Variants in PPP1R1B observed in about 807,000 individuals in gnomAD.
PPP1R1B encodes the protein protein phosphatase 1 regulatory subunit 1B.
In PPP1R1B, 13 loss-of-function variants were observed where a neutral mutation model predicts 28.2. The ratio of observed to expected loss-of-function variants is 0.46; its 90% CI spans 0.30 to 0.73. The LOEUF (loss-of-function observed/expected upper bound fraction) is 0.73, where lower values mean the gene tolerates loss of function less well. PPP1R1B is among the 30% of genes least tolerant of loss of function. PPP1R1B has a pLI of 0.07. For synonymous variants in PPP1R1B, 102 were observed against 97.5 expected (o/e 1.05, Z -0.27); for missense variants, 236 against 256.7 (o/e 0.92, Z 0.55).
chr17:39,629,189 C>T lies in PPP1R1B; in HGVS notation c.101C>T (p.Thr34Met), dbSNP rs1346245001. 6 of 1,613,670 alleles carry T rather than the reference C, an allele frequency of 3.7e-6. No individual in the cohort carries two copies. Among genetic ancestry groups the T allele is most frequent in the South Asian group, 1.1e-5 (1 of 91,070 alleles). The part of the protein sequence containing the change: ...QVEMIRRRRP[T>M]PAMLFRLSEH... The stretch of plus-strand genomic sequence containing the variant: ...CCTTAGATCCGGCGCAGGAGACCAA[C>T]GCCTGCCATGCTGTTCCGGCTCTCA... The change falls in exon 2 of 7, where the codon ACG becomes ATG. Residue 34 changes from threonine (T) to methionine (M), a missense_variant. Thr to Met is a moderately conservative substitution (Grantham distance 81). Transcript: ENST00000254079.
chr17:39,629,515 G>T (rs777460784), intron 2 of PPP1R1B, 25 bp from the exon 3 acceptor site: 28 of 1,613,488 alleles, frequency 1.7e-5, no homozygotes, highest in Non-Finnish European at 2.2e-5. Flanking sequence ...GTTCTGGTTC[G>T]GTTGGCTTTG....
chr17:39,627,403 A>C lies in PPP1R1B; in HGVS notation c.11A>C (p.Lys4Thr). The part of the protein sequence containing the change: MDP[K>T]DRKKIQFSVP... Reference sequence around the variant, plus strand: ...CCCACCCCGCGCGCCATGGACCCCAAGGACCGCAAGAAGATCCAGTTCTCG... The same window carrying C: ...CCCACCCCGCGCGCCATGGACCCCACGGACCGCAAGAAGATCCAGTTCTCG... The change falls in exon 1 of 7, where the codon AAG becomes ACG. Residue 4 changes from lysine (K) to threonine (T), a missense_variant. Physicochemically the swap from Lys to Thr is moderately conservative, Grantham distance 78 (BLOSUM62 -1). Transcript: ENST00000254079. The C allele has an allele frequency of 6.2e-7, 1 of 1,603,232 alleles. No homozygotes were observed.
At chr17:39,629,466 T>C in intron 2 of PPP1R1B, 74 bp from the exon 3 acceptor site, 1 of 1,586,146 alleles carries the variant, frequency 6.3e-7, no homozygotes. Flanking sequence ...TAACTCGGAT[T>C]CTTTCTCTCT....
intron 3 of PPP1R1B, 28 bp from the exon 4 acceptor site, chr17:39,629,944 C>G (rs1216410051): frequency 1.2e-5 from 20 of 1,610,086 alleles, no homozygotes; most frequent in Non-Finnish European, 1.7e-5. Flanking sequence ...TCTGCTGAGC[C>G]CCTTTAACCT....
chr17:39,634,443 C>T (rs1380868971), intron 5 of PPP1R1B, among the ~76,000 whole-genome samples: 1 of 152,200 alleles, frequency 6.6e-6, no homozygotes, highest in Non-Finnish European at 1.5e-5. Context: ...AGTCCAACAC[C>T]CCTGTCACCT....
At chr17:39,629,811 C>G (rs1399263161) in intron 3 of PPP1R1B, 161 bp from the exon 4 acceptor site, 4 of 889,170 alleles carry the variant, frequency 4.5e-6, no homozygotes, top group Non-Finnish European at 7.1e-6. Context: ...TATGGGGGGC[C>G]CCCCCTAAAG....
rs778899903 is a variant in PPP1R1B, at chr17:39,635,704, A to G, written c.543A>G (p.Gln181=). 2 of 1,613,916 alleles carry G rather than the reference A, an allele frequency of 1.2e-6. No homozygotes were observed. Reference sequence around the variant, plus strand: ...AGAGAGATGGAGGCTCTGAGGACCAAGTGGAAGACCCAGCACTAAGTGGTA... The same window carrying G: ...AGAGAGATGGAGGCTCTGAGGACCAGGTGGAAGACCCAGCACTAAGTGGTA... ...ESERDGGSED[Q]VEDPALSEPG... The change falls in exon 6 of 7, where the codon CAA becomes CAG. Residue 181 remains glutamine, a synonymous_variant. Transcript: ENST00000254079.
intron 3 of PPP1R1B, 167 bp from the exon 4 acceptor site, chr17:39,629,805 G>A (rs1298906449): frequency 2.3e-6 from 2 of 864,764 alleles, no homozygotes; most frequent in Non-Finnish European, 3.7e-6. Context: ...ATGGCTTATG[G>A]GGGGCCCCCC....
chr17:39,628,230 T>G, intron 1 of PPP1R1B, among the ~76,000 whole-genome samples: 1 of 148,608 alleles, frequency 6.7e-6, no homozygotes, highest in Non-Finnish European at 1.5e-5. Flanking sequence ...CACTGAGCAG[T>G]GATGAGGGGG....
At chr17:39,631,441 G>A (rs1567848385) in intron 4 of PPP1R1B, among the ~76,000 whole-genome samples, 1 of 152,152 alleles carries the variant, frequency 6.6e-6, no homozygotes, top group Non-Finnish European at 1.5e-5. Flanking sequence ...CAGGGAGCTG[G>A]GGAGATATAC....
chr17:39,627,376 C>T lies in PPP1R1B; in HGVS notation c.-17C>T. On this transcript the variant is annotated 5_prime_UTR_variant, in exon 1 of 7. Coordinates refer to ENST00000254079, the MANE Select transcript of PPP1R1B (RefSeq NM_032192.4). Reference sequence around the variant, plus strand: ...CCCGAGTCGCGCACCCCAGCCCCACCGCCCACCCCGCGCGCCATGGACCCC... The same window carrying T: ...CCCGAGTCGCGCACCCCAGCCCCACTGCCCACCCCGCGCGCCATGGACCCC... The T allele has an allele frequency of 1.9e-6, 3 of 1,584,906 alleles. 1 individual carries two copies. Among genetic ancestry groups the T allele is most frequent in the Non-Finnish European group, 2.6e-6 (3 of 1,163,442 alleles).
At chr17:39,629,050 C>A in intron 1 of PPP1R1B, 120 bp from the exon 2 acceptor site, 2 of 893,652 alleles carry the variant, frequency 2.2e-6, no homozygotes, top group Non-Finnish European at 3.5e-6. Flanking sequence ...CCTTTTGGCT[C>A]TGACAGACTT....
chr17:39,627,652 C>T (rs1167095510), intron 1 of PPP1R1B, among the ~76,000 whole-genome samples, 179 bp downstream of exon 1: 1 of 151,844 alleles, frequency 6.6e-6, no homozygotes, highest in Non-Finnish European at 1.5e-5. Context: ...GAGACTCGTG[C>T]AACTTTTCCC....
At position 39,627,611 on chromosome 17, in the gene PPP1R1B, C is replaced by CG. The variant is rs2056846971; in HGVS notation, c.81+142dup. The CG allele has an allele frequency of 1.7e-5, 10 of 572,472 alleles. 1 individual carries two copies. In the South Asian group the frequency reaches 2.2e-4, roughly 13 times the overall value. The allele number at this position is 572,472 out of a possible 1,614,324, so 35.5% of individuals were successfully genotyped here. Reference sequence around the variant, plus strand: ...GAGCCGGGCTCTGCCTCGGTCAGGACGGGGCGCGGGGCCGCGTGTGAAGTT... The same window carrying CG: ...GAGCCGGGCTCTGCCTCGGTCAGGACGGGGGCGCGGGGCCGCGTGTGAAGTT... On this transcript the variant is annotated intron_variant, in intron 1 of 6. Transcript: ENST00000254079.
intron 2 of PPP1R1B, 36 bp downstream of exon 2, chr17:39,629,266 C>T: frequency 6.3e-7 from 1 of 1,599,708 alleles, no homozygotes; most frequent in Non-Finnish European, 8.6e-7. Flanking sequence ...CCTGGCCCCA[C>T]CCTAGCTCTG....
chr17:39,635,065 A>T (rs1237823571), intron 5 of PPP1R1B, among the ~76,000 whole-genome samples: 2 of 152,158 alleles, frequency 1.3e-5, no homozygotes, highest in Non-Finnish European at 2.9e-5. Flanking sequence ...GCACAGTGGC[A>T]CACACCTGTA....
Position 39,630,055 on chromosome 17 carries a change from A to G in PPP1R1B, c.241+8A>G, listed in dbSNP as rs1597777720. On this transcript the variant is annotated splice_region_variant and intron_variant, in intron 4 of 6. Coordinates refer to ENST00000254079, the MANE Select transcript of PPP1R1B (RefSeq NM_032192.4). ...CACCACCTTCGCTGAAAGGTACTAT[A>G]CCCCCACCGACCTTCCTGGCTGTCC... is the stretch of plus-strand genomic sequence containing the variant. The G allele has an allele frequency of 6.2e-7, 1 of 1,612,838 alleles. No homozygotes were observed.
At chr17:39,631,548 C>T (rs906473197) in intron 4 of PPP1R1B, among the ~76,000 whole-genome samples, 1 of 152,180 alleles carries the variant, frequency 6.6e-6, no homozygotes, top group Non-Finnish European at 1.5e-5. Context: ...CCGGCCAGCC[C>T]CCTCCGCTCC....
Position 39,635,831 on chromosome 17 carries a change from C to T in PPP1R1B, c.581C>T (p.Pro194Leu). Residue 194 changes from proline to leucine, a missense_variant, in exon 7 of 7, where the codon CCT (proline) becomes CTT (leucine). By Grantham distance (98) the Pro-to-Leu change is moderately conservative. Coordinates refer to ENST00000254079, the MANE Select transcript of PPP1R1B (RefSeq NM_032192.4). ...DPALSEPGEE[P>L]QRPSPSEPGT Reference sequence around the variant, plus strand: ...TGCCTTTCAGAGCCTGGGGAGGAACCTCAGCGCCCTTCCCCCTCTGAGCCT... The same window carrying T: ...TGCCTTTCAGAGCCTGGGGAGGAACTTCAGCGCCCTTCCCCCTCTGAGCCT... 1.2e-6 allele frequency: 2 copies of T among 1,613,770 alleles called. No homozygotes were observed. The highest frequency in any genetic ancestry group is 8.5e-7 in the Non-Finnish European group (1 of 1,180,014).
Sources: gnomAD v4.1 joint callset for allele counts (sites outside exome capture counted in the v4.1 genomes callset) on GRCh38, gnomAD v4.1.1 for gene constraint, MANE v1.5 for transcripts, NCBI Gene and HGNC (gene_info 2026-07-23, HGNC 2026-07-21) for gene names.